The following SHISA9 variants were observed in gnomAD, a reference collection of about 807,000 sequenced individuals.
SHISA9 encodes protein shisa-9.
SHISA9 carries 13 observed loss-of-function variants against 38.0 expected under a neutral mutation model. The ratio of observed to expected loss-of-function variants is 0.34; its 90% CI spans 0.22 to 0.54. The LOEUF (loss-of-function observed/expected upper bound fraction) is 0.54, where lower values mean the gene tolerates loss of function less well. SHISA9 is among the 20% of genes least tolerant of loss of function. The pLI, the probability that SHISA9 is intolerant of heterozygous loss-of-function variation, is 0.91. For synonymous variants in SHISA9, 275 were observed against 242.0 expected, an observed-to-expected ratio of 1.14 and a Z score of -1.27; for missense variants, 538 against 575.8, an observed-to-expected ratio of 0.93 and a Z score of 0.67.
Position 13,094,556 on chromosome 16 carries a change from G to A in SHISA9, c.692-108838G>A, listed in dbSNP as rs187224316. Among the ~76,000 whole-genome samples, 15 of 152,212 alleles carry A rather than the reference G, an allele frequency of 9.9e-5. No individual in the cohort carries two copies. In the East Asian group the frequency reaches 2.1e-3, roughly 22 times the overall value. On this transcript the variant is annotated intron_variant, in intron 2 of 4. Coordinates refer to ENST00000558583, the MANE Select transcript of SHISA9 (RefSeq NM_001145204.3). ...TTACTCTGAATATTTTCTCAAAGTC[G>A]GAGGGAAAGCCAACTTTAATTCCAT...
intron 2 of SHISA9, among the ~76,000 whole-genome samples, chr16:13,100,383 G>T (rs1277118764): frequency 5.3e-5 from 8 of 152,156 alleles, no homozygotes; most frequent in Non-Finnish European, 1.2e-4. Flanking sequence ...CATGTGCCCA[G>T]GTGAATGAGT....
chr16:13,500,733 T>G, the SHISA9 span, among the ~76,000 whole-genome samples: 6 of 152,122 alleles, frequency 3.9e-5, no homozygotes, highest in East Asian at 1.2e-3. Flanking sequence ...TGTAGGAGGA[T>G]GTACCAGTTA....
the SHISA9 span, among the ~76,000 whole-genome samples, chr16:13,561,538 C>G: frequency 6.6e-6 from 1 of 152,234 alleles, no homozygotes; most frequent in African/African-American, 2.4e-5. Flanking sequence ...AGCAAAATCA[C>G]TTCCGCTACT....
At chr16:13,478,805 T>C in the SHISA9 span, among the ~76,000 whole-genome samples, 1 of 152,184 alleles carries the variant, frequency 6.6e-6, no homozygotes, top group Admixed American at 6.5e-5. Context: ...AGGCTGGACT[T>C]GGATCTAATG....
intron 2 of SHISA9, among the ~76,000 whole-genome samples, chr16:12,976,581 G>T (rs540372135): frequency 2.6e-5 from 4 of 152,302 alleles, no homozygotes; most frequent in East Asian, 1.9e-4. Flanking sequence ...CTGAAATTCA[G>T]TTACTCTAGA....
At chr16:13,417,761 C>A in the SHISA9 span, among the ~76,000 whole-genome samples, 1 of 152,200 alleles carries the variant, frequency 6.6e-6, no homozygotes. Flanking sequence ...GCTCAAGGAA[C>A]AGCTCACTGT....
chr16:12,998,169 A>G (rs2072481640), intron 2 of SHISA9, among the ~76,000 whole-genome samples: 1 of 152,208 alleles, frequency 6.6e-6, no homozygotes, highest in African/African-American at 2.4e-5. Flanking sequence ...TTTCTGGACT[A>G]TTCTTCATTT....
chr16:13,048,740 A>G (rs935245954), intron 2 of SHISA9, among the ~76,000 whole-genome samples: 1 of 152,196 alleles, frequency 6.6e-6, no homozygotes, highest in Non-Finnish European at 1.5e-5. Flanking sequence ...GCATTTTTTA[A>G]AAAGGACTTT....
At chr16:13,099,663 A>G (rs1243896248) in intron 2 of SHISA9, among the ~76,000 whole-genome samples, 1 of 152,024 alleles carries the variant, frequency 6.6e-6, no homozygotes, top group Non-Finnish European at 1.5e-5. Context: ...GCATGGCTGG[A>G]CCCCGATGGG....
the SHISA9 span, among the ~76,000 whole-genome samples, chr16:13,361,607 G>A: frequency 6.6e-6 from 1 of 152,228 alleles, no homozygotes; most frequent in Admixed American, 6.5e-5. Context: ...AAGGTTGTTT[G>A]AGTGAGTTCA....
At chr16:13,545,628 C>T in the SHISA9 span, among the ~76,000 whole-genome samples, 1 of 152,178 alleles carries the variant, frequency 6.6e-6, no homozygotes, top group African/African-American at 2.4e-5. Context: ...CCTCTCTCTT[C>T]CTGAACATTC....
At chr16:13,036,799 C>A (rs943538012) in intron 2 of SHISA9, among the ~76,000 whole-genome samples, 5 of 150,722 alleles carry the variant, frequency 3.3e-5, no homozygotes, top group African/African-American at 9.8e-5. Flanking sequence ...ACGGACAGCA[C>A]CCCCAGTACT....
chr16:12,956,956 A>G (rs950764213), intron 2 of SHISA9, among the ~76,000 whole-genome samples: 1 of 152,246 alleles, frequency 6.6e-6, no homozygotes, highest in African/African-American at 2.4e-5. Flanking sequence ...TAATGTATAT[A>G]TATTCATCAC....
At chr16:13,128,725 C>T (rs1367950874) in intron 2 of SHISA9, among the ~76,000 whole-genome samples, 1 of 152,108 alleles carries the variant, frequency 6.6e-6, no homozygotes. Context: ...AGACTTGGGT[C>T]CCACATGTGT....
the SHISA9 span, among the ~76,000 whole-genome samples, chr16:13,545,088 G>A: frequency 1.3e-5 from 2 of 152,204 alleles, no homozygotes; most frequent in Non-Finnish European, 2.9e-5. Context: ...CTTATGCCAT[G>A]TGCCTTGCAT....
At chr16:13,368,665 A>G in the SHISA9 span, among the ~76,000 whole-genome samples, 1 of 152,014 alleles carries the variant, frequency 6.6e-6, no homozygotes, top group Admixed American at 6.6e-5. Flanking sequence ...TGGAGGGTAG[A>G]AAAAAACAGG....
At chr16:12,951,873 T>C (rs927118183) in intron 2 of SHISA9, among the ~76,000 whole-genome samples, 3 of 152,230 alleles carry the variant, frequency 2.0e-5, no homozygotes, top group Non-Finnish European at 4.4e-5. Flanking sequence ...CCTCAGAGGC[T>C]GAAGATGGAG....
intron 2 of SHISA9, among the ~76,000 whole-genome samples, chr16:13,122,552 G>GC (rs1260666114): frequency 1.3e-5 from 2 of 152,198 alleles, no homozygotes; most frequent in African/African-American, 4.8e-5. Flanking sequence ...ACCTGGATTT[G>GC]AAGGGTTGTA....
the SHISA9 span, among the ~76,000 whole-genome samples, chr16:13,487,984 G>A: frequency 6.6e-6 from 1 of 152,190 alleles, no homozygotes; most frequent in Non-Finnish European, 1.5e-5. Flanking sequence ...CACTCAATGA[G>A]ACAAAAGAGA....
Sources: gnomAD v4.1 joint callset for allele counts (sites outside exome capture counted in the v4.1 genomes callset) on GRCh38, gnomAD v4.1.1 for gene constraint, MANE v1.5 for transcripts, NCBI Gene and HGNC (gene_info 2026-07-23, HGNC 2026-07-21) for gene names.